Variants in ITFG1 observed in about 807,000 individuals in gnomAD.
The protein encoded by ITFG1 is T-cell immunomodulatory protein.
In ITFG1, 34 loss-of-function variants were observed where a neutral mutation model predicts 81.8. That is an observed-to-expected ratio of 0.42 (90% CI 0.32 to 0.55). The LOEUF is 0.55. Ranked by LOEUF, ITFG1 falls within the 20% of genes least tolerant of loss-of-function variation. ITFG1 has a pLI of 0.17. For synonymous variants in ITFG1, 285 were observed against 270.6 expected (o/e 1.05, Z -0.52); for missense variants, 672 against 755.4 (o/e 0.89, Z 1.29).
chr16:47,323,486 G>C (rs1005283857), intron 8 of ITFG1, among the ~76,000 whole-genome samples: 1 of 151,902 alleles, frequency 6.6e-6, no homozygotes. Context: ...GCTATTATCA[G>C]ATGTGGCTGC....
intron 8 of ITFG1, among the ~76,000 whole-genome samples, chr16:47,334,155 GAATA>G (rs1349991816): frequency 6.6e-6 from 1 of 152,174 alleles, no homozygotes; most frequent in Non-Finnish European, 1.5e-5. Flanking sequence ...ATACATGAAT[GAATA>G]TATTTTAGGC....
At chr16:47,396,524 T>TGTGTGTGTGTGTGTGTGTGTGTG (rs1555514103) in intron 6 of ITFG1, among the ~76,000 whole-genome samples, 2,605 of 149,120 alleles carry the variant, frequency 0.017, 99 homozygotes, top group African/African-American at 0.059. Flanking sequence ...AATAATTATT[T>TGTGTGTGTGTGTGTGTGTGTGTG]TGTGTGTGTG....
chr16:47,205,405 G>T (rs535324220), intron 14 of ITFG1, among the ~76,000 whole-genome samples: 1 of 152,110 alleles, frequency 6.6e-6, no homozygotes, highest in Non-Finnish European at 1.5e-5. Context: ...AAGACAATTC[G>T]TACAAATTTT....
intron 10 of ITFG1, among the ~76,000 whole-genome samples, chr16:47,289,519 T>C (rs1221740695): frequency 2.0e-5 from 3 of 152,180 alleles, no homozygotes; most frequent in African/African-American, 7.2e-5. Context: ...CAGGATTAAA[T>C]CTCATTACTT....
At chr16:47,444,231 T>C (rs1003071229) in intron 5 of ITFG1, among the ~76,000 whole-genome samples, 4 of 152,232 alleles carry the variant, frequency 2.6e-5, no homozygotes, top group Admixed American at 2.6e-4. Flanking sequence ...ATTTATCTAC[T>C]TTTATAAAAT....
intron 13 of ITFG1, among the ~76,000 whole-genome samples, chr16:47,220,988 T>C (rs887917166): frequency 1.3e-5 from 2 of 152,294 alleles, no homozygotes; most frequent in South Asian, 2.1e-4. Context: ...TCTATTTCCA[T>C]GTCACTCTCC....
chr16:47,155,818 G>A (rs1210344095), intron 17 of ITFG1, 40 bp from the exon 18 acceptor site: 1 of 1,442,146 alleles, frequency 6.9e-7, no homozygotes, highest in Non-Finnish European at 9.6e-7. Flanking sequence ...ATGGTAGAAA[G>A]ATGTTATGAA....
chr16:47,201,370 G>A (rs547305009), intron 14 of ITFG1, among the ~76,000 whole-genome samples: 123 of 151,992 alleles, frequency 8.1e-4, no homozygotes, highest in African/African-American at 2.9e-3. Flanking sequence ...CAACATGCCC[G>A]GCTAATTTTT....
At chr16:47,378,228 G>T (rs1968351344) in intron 6 of ITFG1, among the ~76,000 whole-genome samples, 2 of 152,192 alleles carry the variant, frequency 1.3e-5, no homozygotes, top group Non-Finnish European at 2.9e-5. Flanking sequence ...AGGTGAATTT[G>T]TTCAAACTGA....
chr16:47,427,763 A>T (rs1037754513), intron 6 of ITFG1, among the ~76,000 whole-genome samples: 4 of 152,254 alleles, frequency 2.6e-5, no homozygotes, highest in African/African-American at 9.6e-5. Flanking sequence ...AACCTTGTTT[A>T]ACTTCCTGAT....
chr16:47,222,009 A>G (rs1965698016), intron 13 of ITFG1, among the ~76,000 whole-genome samples: 1 of 151,572 alleles, frequency 6.6e-6, no homozygotes, highest in Non-Finnish European at 1.5e-5. Flanking sequence ...CGGTCTATCA[A>G]TTTTGTTGAT....
chr16:47,164,051 T>C (rs924580762), intron 14 of ITFG1, among the ~76,000 whole-genome samples: 1 of 152,132 alleles, frequency 6.6e-6, no homozygotes, highest in Non-Finnish European at 1.5e-5. Flanking sequence ...ATTAGCCTAC[T>C]TTCCTGTTTC....
At chr16:47,258,862 T>C in intron 11 of ITFG1, 122 bp from the exon 12 acceptor site, 1 of 492,988 alleles carries the variant, frequency 2.0e-6, no homozygotes, top group Admixed American at 4.3e-5. Context: ...TTCATCCTCA[T>C]GTTTAAAATA....
chr16:47,241,605 T>C (rs1965934343), intron 12 of ITFG1, among the ~76,000 whole-genome samples: 1 of 152,138 alleles, frequency 6.6e-6, no homozygotes, highest in African/African-American at 2.4e-5. Flanking sequence ...GGCAAATCGA[T>C]GGATACATAA....
chr16:47,164,653 A>G (rs889564205), intron 14 of ITFG1, among the ~76,000 whole-genome samples: 5 of 152,226 alleles, frequency 3.3e-5, no homozygotes, highest in Non-Finnish European at 7.3e-5. Context: ...CTTTAATCAC[A>G]TGCTTAGGTA....
intron 6 of ITFG1, among the ~76,000 whole-genome samples, chr16:47,409,092 C>T (rs760418044): frequency 5.3e-5 from 8 of 151,598 alleles, no homozygotes; most frequent in Non-Finnish European, 1.2e-4. Context: ...TTTTGACCTC[C>T]TGGATCCTTT....
intron 14 of ITFG1, among the ~76,000 whole-genome samples, chr16:47,169,749 T>A (rs1434157729): frequency 6.6e-6 from 1 of 152,214 alleles, no homozygotes; most frequent in Non-Finnish European, 1.5e-5. Flanking sequence ...GTGGGCATCC[T>A]CATCTTCTTC....
intron 5 of ITFG1, among the ~76,000 whole-genome samples, chr16:47,429,629 G>A (rs766912572): frequency 6.6e-6 from 1 of 152,162 alleles, no homozygotes; most frequent in Non-Finnish European, 1.5e-5. Context: ...TAGAGGGTGT[G>A]ATACAGTATT....
chr16:47,274,704 A>C (rs1162731682), intron 10 of ITFG1, among the ~76,000 whole-genome samples: 1 of 152,130 alleles, frequency 6.6e-6, no homozygotes, highest in East Asian at 1.9e-4. Context: ...TGTAGAAAAT[A>C]CCACTAATAA....
Sources: allele counts gnomAD v4.1 joint callset (sites outside exome capture counted in the v4.1 genomes callset), GRCh38; gene constraint gnomAD v4.1.1; transcripts MANE v1.5; gene names NCBI Gene and HGNC (gene_info 2026-07-23, HGNC 2026-07-21).